AK9: variants seen among roughly 807,000 people sequenced by gnomAD.
AK9 encodes the protein adenylate kinase 9.
A neutral mutation model predicts 239.6 loss-of-function variants in AK9; 191 were observed. The ratio of observed to expected loss-of-function variants is 0.80; its 90% confidence interval spans 0.71 to 0.90. The LOEUF (loss-of-function observed/expected upper bound fraction) is 0.90, where lower values mean the gene tolerates loss of function less well. Ranked by LOEUF, AK9 falls within the 40% of genes least tolerant of loss-of-function variation. AK9 has a pLI of 0.00. For synonymous variants in AK9, 689 were observed against 721.0 expected, an observed-to-expected ratio of 0.96 and a Z score of 0.71; for missense variants, 1,995 against 2,214.7, an observed-to-expected ratio of 0.90 and a Z score of 1.99.
intron 13 of AK9, among the ~76,000 whole-genome samples, chr6:109,617,862 A>G (rs1295227881): frequency 2.0e-5 from 3 of 152,126 alleles, no homozygotes; most frequent in Non-Finnish European, 4.4e-5. Flanking sequence ...ACAGTAAAGA[A>G]GAGCACATTT....
At chr6:109,687,226 C>T (rs77243613) in intron 1 of AK9, among the ~76,000 whole-genome samples, 3,055 of 152,136 alleles carry the variant, frequency 0.02, 82 homozygotes, top group East Asian at 0.11. Flanking sequence ...TTGGTTTCAT[C>T]AAGGGCCTAG....
chr6:109,666,356 A>T (rs983294128), intron 5 of AK9, among the ~76,000 whole-genome samples: 3 of 152,196 alleles, frequency 2.0e-5, no homozygotes, highest in African/African-American at 7.2e-5. Flanking sequence ...TTCCAATTCC[A>T]GAGACATGTG....
chr6:109,546,250 C>G (rs1440749314), intron 25 of AK9, 123 bp from the exon 26 acceptor site: 1 of 868,130 alleles, frequency 1.2e-6, no homozygotes, highest in Non-Finnish European at 1.7e-6. Context: ...TAGGAATGAT[C>G]ACATCATGAA....
chr6:109,614,548 A>C, intron 13 of AK9, 68 bp from the exon 14 acceptor site: 1 of 1,278,534 alleles, frequency 7.8e-7, no homozygotes, highest in African/African-American at 1.5e-5. Flanking sequence ...AGAGTGACCA[A>C]AAGCCCCTGC....
chr6:109,597,986 C>T (rs896592785), intron 17 of AK9, among the ~76,000 whole-genome samples: 2 of 152,148 alleles, frequency 1.3e-5, no homozygotes, highest in Non-Finnish European at 2.9e-5. Flanking sequence ...AGATTCTCTA[C>T]AGCTTTCTAA....
intron 19 of AK9, among the ~76,000 whole-genome samples, chr6:109,580,895 G>A (rs889940324): frequency 7.4e-6 from 1 of 135,928 alleles, no homozygotes; most frequent in African/African-American, 2.5e-5. Flanking sequence ...GCGCTTTACA[G>A]ATATCGTGGT....
intron 29 of AK9, among the ~76,000 whole-genome samples, chr6:109,524,617 C>G (rs985952880): frequency 1.9e-4 from 29 of 151,982 alleles, no homozygotes. Context: ...TTCCATCATA[C>G]CAGAGGAATG....
In AK9 at chr6:109,593,324, A is replaced by G. The variant is rs961146322; in HGVS notation, c.1843-7252T>C. On this transcript the variant is annotated intron_variant, in intron 17 of 40. Transcript: ENST00000424296. ...TCTAAAATCTAAACCAGGAAAAGTC[A>G]AGTCCCTGAACAGACAATAATGAGT... 9.2e-5 allele frequency among the ~76,000 whole-genome samples: 14 copies of G among 152,122 alleles called. No homozygotes were observed. The East Asian group carries it at 2.5e-3, about 27-fold the overall frequency.
At chr6:109,618,973 G>T in intron 13 of AK9, 119 bp downstream of exon 13, 1 of 1,129,788 alleles carries the variant, frequency 8.9e-7, no homozygotes, top group Non-Finnish European at 1.2e-6. Context: ...TTTGTTAAGA[G>T]TCTATAATGT....
chr6:109,664,311 T>C (rs78324315), intron 5 of AK9, among the ~76,000 whole-genome samples: 3,868 of 152,280 alleles, frequency 0.025, 92 homozygotes, highest in East Asian at 0.11. Flanking sequence ...TAGAATAGCA[T>C]AATAAAAAAA....
At chr6:109,518,998 T>C (rs1483474189) in intron 29 of AK9, among the ~76,000 whole-genome samples, 1 of 152,174 alleles carries the variant, frequency 6.6e-6, no homozygotes, top group Non-Finnish European at 1.5e-5. Context: ...GTGTCTATTA[T>C]TGCCATCTTT....
At chr6:109,594,756 G>A (rs914791631) in intron 17 of AK9, among the ~76,000 whole-genome samples, 21 of 152,130 alleles carry the variant, frequency 1.4e-4, no homozygotes, top group Middle Eastern at 3.2e-3. Context: ...ACAAGCAATG[G>A]GGAAAGGATT....
intron 5 of AK9, among the ~76,000 whole-genome samples, chr6:109,665,116 T>A (rs551863407): frequency 1.3e-5 from 2 of 152,194 alleles, no homozygotes; most frequent in Non-Finnish European, 2.9e-5. Context: ...GCATACACAA[T>A]GTCTCCTAAG....
chr6:109,630,565 G>A (rs902484799), intron 12 of AK9, among the ~76,000 whole-genome samples: 4 of 152,042 alleles, frequency 2.6e-5, no homozygotes, highest in African/African-American at 9.7e-5. Context: ...AGTGAGGCTC[G>A]GTATGGTGGT....
At chr6:109,647,600 T>A (rs1331495954) in intron 8 of AK9, among the ~76,000 whole-genome samples, 3 of 152,124 alleles carry the variant, frequency 2.0e-5, no homozygotes, top group Non-Finnish European at 1.5e-5. Flanking sequence ...AAGTCCTTAG[T>A]GACTTACAAA....
Position 109,679,223 on chromosome 6 carries a change from C to A in AK9, c.-11-3467G>T, listed in dbSNP as rs543989087. ...ATCCACTGGCTTGAAATTCTCGCTGCCAGCACCGCAGTCTGAAGTGACCTG... is the reference window on the plus strand; with the variant it reads ...ATCCACTGGCTTGAAATTCTCGCTGACAGCACCGCAGTCTGAAGTGACCTG... On this transcript the variant is annotated intron_variant, in intron 1 of 40. Coordinates refer to ENST00000424296, the MANE Select transcript of AK9 (RefSeq NM_001145128.3). Among the ~76,000 whole-genome samples, 4 of 152,326 alleles carry A rather than the reference C, an allele frequency of 2.6e-5. No homozygotes were observed. The East Asian group carries it at 5.8e-4, about 22-fold the overall frequency.
intron 9 of AK9, 147 bp downstream of exon 9, chr6:109,644,467 T>C (rs1167638659): frequency 3.5e-6 from 2 of 579,026 alleles, no homozygotes; most frequent in Non-Finnish European, 5.4e-6. Context: ...AAACAGAACA[T>C]CAAAATTTTA....
chr6:109,560,809 C>T (rs140345808), intron 24 of AK9, among the ~76,000 whole-genome samples: 109 of 152,250 alleles, frequency 7.2e-4, no homozygotes, highest in Admixed American at 1.5e-3. Context: ...ATTCTCTCCT[C>T]TTCAATTTTC....
intron 27 of AK9, among the ~76,000 whole-genome samples, chr6:109,536,229 C>A (rs1393253336): frequency 3.3e-5 from 5 of 152,062 alleles, no homozygotes; most frequent in Non-Finnish European, 7.4e-5. Context: ...TTGATTCTTC[C>A]TATCCATGAG....
Sources: gnomAD v4.1 joint callset for allele counts (sites outside exome capture counted in the v4.1 genomes callset) on GRCh38, gnomAD v4.1.1 for gene constraint, MANE v1.5 for transcripts, NCBI Gene and HGNC (gene_info 2026-07-23, HGNC 2026-07-21) for gene names.